MCC: variants seen among roughly 807,000 people sequenced by gnomAD.
MCC encodes MCC regulator of Wnt signaling pathway, also known as colorectal mutant cancer protein.
MCC carries 90 observed loss-of-function variants against 116.2 expected under a neutral mutation model. The observed-to-expected ratio is 0.77, with a 90% CI of 0.65 to 0.92. The LOEUF (loss-of-function observed/expected upper bound fraction) is 0.92. Among genes scored for constraint, MCC ranks in the 40% least tolerant of loss-of-function variants. The pLI is 0.00. For synonymous variants in MCC, 578 were observed against 510.5 expected, an observed-to-expected ratio of 1.13 and a Z score of -1.78; for missense variants, 1,516 against 1,312.2, an observed-to-expected ratio of 1.16 and a Z score of -2.40.
intron 13 of MCC, among the ~76,000 whole-genome samples, chr5:113,067,777 C>T (rs543063138): frequency 2.6e-5 from 4 of 152,396 alleles, no homozygotes; most frequent in African/African-American, 9.6e-5. Context: ...GCTGCAGAAA[C>T]GCTGGCCCCT....
At chr5:113,182,946 T>C (rs2150309914) in intron 3 of MCC, among the ~76,000 whole-genome samples, 1 of 152,322 alleles carries the variant, frequency 6.6e-6, no homozygotes, top group Non-Finnish European at 1.5e-5. Flanking sequence ...TTCAGTGCAG[T>C]TCCCATTTGA....
chr5:113,108,967 A>C (rs1452442221), intron 6 of MCC, among the ~76,000 whole-genome samples: 1 of 152,156 alleles, frequency 6.6e-6, no homozygotes, highest in Non-Finnish European at 1.5e-5. Flanking sequence ...GCCTCACAGG[A>C]GGACGAGGAG....
intron 1 of MCC, among the ~76,000 whole-genome samples, chr5:113,460,198 T>C (rs144324334): frequency 2.0e-5 from 3 of 152,264 alleles, no homozygotes; most frequent in East Asian, 3.9e-4. Flanking sequence ...ATGGGTAGCT[T>C]TGGGGAATAT....
At chr5:113,318,636 C>T (rs1006705777) in intron 3 of MCC, among the ~76,000 whole-genome samples, 8 of 151,442 alleles carry the variant, frequency 5.3e-5, no homozygotes, top group African/African-American at 1.9e-4. Flanking sequence ...GTGAAGAGAA[C>T]ATATGAATAC....
chr5:113,328,018 C>T (rs960543417), intron 3 of MCC, among the ~76,000 whole-genome samples: 6 of 152,082 alleles, frequency 3.9e-5, no homozygotes, highest in South Asian at 2.1e-4. Context: ...GTATAATTGA[C>T]ACCATAATTC....
intron 3 of MCC, among the ~76,000 whole-genome samples, chr5:113,336,788 C>A (rs549680313): frequency 7.4e-4 from 113 of 152,324 alleles, no homozygotes; most frequent in African/African-American, 2.6e-3. Context: ...GTGTACAACA[C>A]TGTCTTGTTG....
At chr5:113,215,533 G>GA (rs1261572980) in intron 3 of MCC, among the ~76,000 whole-genome samples, 1 of 152,134 alleles carries the variant, frequency 6.6e-6, no homozygotes, top group East Asian at 1.9e-4. Flanking sequence ...TCATGAATGG[G>GA]ATTAAGGCTC....
intron 1 of MCC, among the ~76,000 whole-genome samples, chr5:113,457,087 C>G (rs370859985): frequency 6.6e-6 from 1 of 152,210 alleles, no homozygotes; most frequent in African/African-American, 2.4e-5. Context: ...TGTGGGAGCC[C>G]CTTTCTGGGC....
intron 13 of MCC, 106 bp from the exon 14 acceptor site, chr5:113,064,273 T>C: frequency 9.4e-7 from 1 of 1,066,608 alleles, no homozygotes; most frequent in Non-Finnish European, 1.4e-6. Flanking sequence ...GAGGTGGCAC[T>C]GTGGAAGGGA....
At chr5:113,283,060 C>A (rs1766110847) in intron 3 of MCC, among the ~76,000 whole-genome samples, 1 of 152,218 alleles carries the variant, frequency 6.6e-6, no homozygotes, top group Non-Finnish European at 1.5e-5. Flanking sequence ...TGAAAAGTAG[C>A]CCGGCCCGAC....
Position 113,049,244 on chromosome 5 carries a change from G to C in MCC, c.2504C>G (p.Ala835Gly), listed in dbSNP as rs780543701. 2.5e-6 allele frequency: 4 copies of C among 1,613,068 alleles called. No individual in the cohort carries two copies. The Admixed American group carries it at 5.0e-5, about 20-fold the overall frequency. The change falls in exon 16 of 19, where the codon GCC becomes GGC. Residue 835 changes from alanine (A) to glycine (G), a missense_variant. Ala to Gly is a moderately conservative substitution (Grantham distance 60). Coordinates refer to ENST00000408903, the MANE Select transcript of MCC (RefSeq NM_001085377.2). ...QLYLLEKEKK[A>G]LELKLSTREA... ...CCGCGTGCTCAGCTTCAGCTCCAGG[G>C]CCTTCTTCTCTTTCTCCAGTAGGTA...
At chr5:113,375,473 T>G (rs770034841) in intron 2 of MCC, among the ~76,000 whole-genome samples, 4 of 152,238 alleles carry the variant, frequency 2.6e-5, no homozygotes, top group Non-Finnish European at 5.9e-5. Context: ...CTTAGTGACT[T>G]AAAACAGCAA....
At chr5:113,347,101 C>T (rs1561533010) in intron 2 of MCC, among the ~76,000 whole-genome samples, 1 of 152,084 alleles carries the variant, frequency 6.6e-6, no homozygotes, top group East Asian at 1.9e-4. Flanking sequence ...ATTCTTTAAT[C>T]TGAAAGAAAA....
At chr5:113,219,984 T>A (rs1459678061) in intron 3 of MCC, among the ~76,000 whole-genome samples, 1 of 151,904 alleles carries the variant, frequency 6.6e-6, no homozygotes, top group African/African-American at 2.4e-5. Context: ...GGGTTCATTC[T>A]TTTTCTAAGT....
intron 1 of MCC, among the ~76,000 whole-genome samples, chr5:113,415,538 C>T (rs1057511794): frequency 1.3e-5 from 2 of 152,206 alleles, no homozygotes; most frequent in Non-Finnish European, 2.9e-5. Context: ...CACTGATACC[C>T]TTTCTTCCAC....
At position 113,071,129 on chromosome 5, in the gene MCC, G is replaced by A. The variant is rs369746744; in HGVS notation, c.1890C>T (p.Ser630=). ...AGGCCAGCCTCAGCGCTGTGGCATT[G>A]GATTCGTATTTTCCCACCAGCATGC... The part of the protein sequence containing the change: ...RMSMLVGKYE[S]NATALRLALQ... Residue 630 remains serine, a synonymous_variant, in exon 12 of 19, where the codon TCC becomes TCT. Coordinates refer to ENST00000408903, the MANE Select transcript of MCC (RefSeq NM_001085377.2). 68 of 1,614,042 alleles carry A rather than the reference G, an allele frequency of 4.2e-5. No homozygotes were observed. The African/African-American group carries it at 7.5e-4, about 18-fold the overall frequency.
chr5:113,392,468 T>A (rs1483955446), intron 1 of MCC, among the ~76,000 whole-genome samples: 3 of 151,712 alleles, frequency 2.0e-5, no homozygotes, highest in Non-Finnish European at 4.4e-5. Flanking sequence ...ATGGTATTGG[T>A]GGAAGAAAAG....
At chr5:113,270,772 T>G (rs1225372905) in intron 3 of MCC, among the ~76,000 whole-genome samples, 4 of 151,524 alleles carry the variant, frequency 2.6e-5, no homozygotes, top group Non-Finnish European at 5.9e-5. Flanking sequence ...CTAACTTCCA[T>G]GCATGTTACC....
intron 1 of MCC, among the ~76,000 whole-genome samples, chr5:113,453,255 G>A (rs925092653): frequency 1.1e-4 from 16 of 151,740 alleles, no homozygotes; most frequent in African/African-American, 3.6e-4. Context: ...CATCTAACAC[G>A]TCCACTTCTC....
Sources: gnomAD v4.1 joint callset for allele counts (sites outside exome capture counted in the v4.1 genomes callset) on GRCh38, gnomAD v4.1.1 for gene constraint, MANE v1.5 for transcripts, NCBI Gene and HGNC (gene_info 2026-07-23, HGNC 2026-07-21) for gene names.